The following CDH4 variants were observed in gnomAD, a reference collection of about 807,000 sequenced individuals.
The protein encoded by CDH4 is cadherin 4.
A neutral mutation model predicts 86.0 loss-of-function variants in CDH4; 33 were observed. That is an observed-to-expected ratio of 0.38 (90% CI 0.29 to 0.51). The LOEUF is 0.51. Among genes scored for constraint, CDH4 ranks in the 20% least tolerant of loss-of-function variants. The pLI, the probability that CDH4 is intolerant of heterozygous loss-of-function variation, is 0.86. For missense variants in CDH4, 1,114 were observed against 1,307.4 expected, an observed-to-expected ratio of 0.85 and a Z score of 2.28; for synonymous variants, 555 against 549.4, an observed-to-expected ratio of 1.01 and a Z score of -0.14.
intron 2 of CDH4, among the ~76,000 whole-genome samples, chr20:61,699,125 A>G (rs1252666167): frequency 5.9e-5 from 9 of 152,348 alleles, no homozygotes; most frequent in African/African-American, 9.6e-5. Context: ...CATGGACATG[A>G]TTTGTTAGAA....
Position 61,424,050 on chromosome 20 carries a change from CAT to C in CDH4, c.169+169119_169+169120del, listed in dbSNP as rs370351717. ...CCACACACTCTCATATCCACACACT[CAT>C]ATATACATACACATCCACACACAGC... On this transcript the variant is annotated intron_variant, in intron 2 of 15. Coordinates refer to ENST00000614565, the MANE Select transcript of CDH4 (RefSeq NM_001794.5). Among the ~76,000 whole-genome samples, 170 of 152,114 alleles carry C rather than the reference CAT, an allele frequency of 1.1e-3. 1 individual carries two copies. Among genetic ancestry groups the C allele is most frequent in the African/African-American group, 3.7e-3 (152 of 41,474 alleles).
At chr20:61,349,642 G>T (rs1380239652) in intron 2 of CDH4, among the ~76,000 whole-genome samples, 3 of 152,194 alleles carry the variant, frequency 2.0e-5, no homozygotes, top group Non-Finnish European at 2.9e-5. Context: ...GGTCTGTGGA[G>T]TGAAAGCTGG....
intron 9 of CDH4, among the ~76,000 whole-genome samples, chr20:61,918,693 G>A (rs1055078483): frequency 5.3e-5 from 8 of 152,058 alleles, no homozygotes; most frequent in African/African-American, 9.7e-5. Flanking sequence ...CGGTGATTGC[G>A]TGGAAGCGTG....
chr20:61,708,473 G>T lies in CDH4; in HGVS notation c.170-35090G>T, dbSNP rs115898759. Among the ~76,000 whole-genome samples the T allele has an allele frequency of 8.9e-3, 1,349 of 152,232 alleles. 20 individuals are homozygous for T. Among genetic ancestry groups the T allele is most frequent in the African/African-American group, 0.029 (1,195 of 41,528 alleles). On this transcript the variant is annotated intron_variant, in intron 2 of 15. Coordinates refer to ENST00000614565, the MANE Select transcript of CDH4 (RefSeq NM_001794.5). The surrounding 1 kb of genome is among the most constrained non-coding windows in gnomAD (Gnocchi z 4.5). The stretch of plus-strand genomic sequence containing the variant: ...CTCCTGCCACAGTCAGGGGGCTATG[G>T]AGAAACCCAATCCAGGCCCCGGGCT...
At chr20:61,783,339 C>G (rs904980583) in intron 4 of CDH4, among the ~76,000 whole-genome samples, 2 of 152,218 alleles carry the variant, frequency 1.3e-5, no homozygotes, top group Non-Finnish European at 2.9e-5. Flanking sequence ...TTGCCCACAA[C>G]CTTTCCTTAA....
intron 2 of CDH4, among the ~76,000 whole-genome samples, chr20:61,475,159 C>CT (rs951908054): frequency 5.3e-5 from 8 of 152,110 alleles, no homozygotes; most frequent in African/African-American, 1.7e-4. Context: ...ATGTGTTACA[C>CT]TTTTTTCCCC....
chr20:61,264,017 C>G (rs1429883783), intron 2 of CDH4, among the ~76,000 whole-genome samples: 1 of 152,126 alleles, frequency 6.6e-6, no homozygotes, highest in Admixed American at 6.5e-5. Context: ...AGGATAATCT[C>G]CCGTTGCAAG....
At chr20:61,936,302 A>C (rs2055183194) in intron 15 of CDH4, among the ~76,000 whole-genome samples, 1 of 43,508 alleles carries the variant, frequency 2.3e-5, no homozygotes, top group Admixed American at 3.1e-4. Context: ...CTTCCCCTAT[A>C]AACCCTCACA....
At chr20:61,352,013 G>A (rs981404916) in intron 2 of CDH4, among the ~76,000 whole-genome samples, 5 of 152,006 alleles carry the variant, frequency 3.3e-5, no homozygotes, top group Non-Finnish European at 2.9e-5. Flanking sequence ...CACCGCACCC[G>A]GCCTCCTTTA....
chr20:61,786,335 A>G (rs1397417535), intron 4 of CDH4, among the ~76,000 whole-genome samples: 1 of 152,086 alleles, frequency 6.6e-6, no homozygotes, highest in East Asian at 1.9e-4. Context: ...CAAGATGAAC[A>G]CGATCGCCCT....
rs1459934335 is a variant in CDH4 at position 61,708,626 on chromosome 20, C to T, written c.170-34937C>T. ...TGTAGACCCTCTCCACCCTCCTGTG[C>T]CTGGAGCCCCTCCCAGACGTTTGCA... On this transcript the variant is annotated intron_variant, in intron 2 of 15. Coordinates refer to ENST00000614565, the MANE Select transcript of CDH4 (RefSeq NM_001794.5). This position sits in a 1 kb window ranked among gnomAD's most constrained non-coding sequence, Gnocchi z 4.5. Among the ~76,000 whole-genome samples the T allele has an allele frequency of 1.3e-5, 2 of 152,156 alleles. No individual in the cohort carries two copies. Among genetic ancestry groups the T allele is most frequent in the Non-Finnish European group, 2.9e-5 (2 of 68,032 alleles).
In CDH4 at chr20:61,912,154, AC is replaced by A. The variant is rs1000881847; in HGVS notation, c.1374+1551del. Among the ~76,000 whole-genome samples the A allele has an allele frequency of 1.2e-4, 19 of 152,198 alleles. 1 individual carries two copies. The highest frequency in any genetic ancestry group is 1.1e-3 in the Admixed American group (17 of 15,282). On this transcript the variant is annotated intron_variant, in intron 9 of 15. Coordinates refer to ENST00000614565, the MANE Select transcript of CDH4 (RefSeq NM_001794.5). ...ATCAAAAAGGGGGGAAGAATGGCTC[AC>A]CCCTCCTTTATTAAGGGACCTTCCC...
At chr20:61,934,987 C>T (rs1203123206) in intron 15 of CDH4, among the ~76,000 whole-genome samples, 1 of 152,270 alleles carries the variant, frequency 6.6e-6, no homozygotes, top group African/African-American at 2.4e-5. Context: ...TCGTTCCCGT[C>T]TTCCATCTTC....
chr20:61,275,796 T>C (rs6129089), intron 2 of CDH4, among the ~76,000 whole-genome samples: 108,127 of 151,908 alleles, frequency 0.71, 38,710 homozygotes, highest in Admixed American at 0.78. Flanking sequence ...GGATTCTGAG[T>C]ATCACTGGGG....
intron 2 of CDH4, among the ~76,000 whole-genome samples, chr20:61,381,391 G>T (rs546513716): frequency 3.9e-5 from 6 of 152,344 alleles, no homozygotes; most frequent in Non-Finnish European, 8.8e-5. Context: ...GCTTGTCTTA[G>T]CCTGTGCGGA....
At chr20:61,372,383 C>T (rs527317098) in intron 2 of CDH4, among the ~76,000 whole-genome samples, 25 of 152,220 alleles carry the variant, frequency 1.6e-4, no homozygotes, top group Non-Finnish European at 2.2e-4. Flanking sequence ...TACCCGCACA[C>T]GCTTCGCCTC....
intron 2 of CDH4, among the ~76,000 whole-genome samples, chr20:61,327,478 ACTACATGCAGAATAAAACT>A (rs1449761728): frequency 6.6e-6 from 1 of 152,228 alleles, no homozygotes; most frequent in African/African-American, 2.4e-5. Context: ...ACTCACATTT[ACTACATGCAGAATAAAACT>A]CTGATCTCCT....
At chr20:61,874,561 G>T (rs982991816) in intron 7 of CDH4, among the ~76,000 whole-genome samples, 1 of 152,166 alleles carries the variant, frequency 6.6e-6, no homozygotes, top group Admixed American at 6.5e-5. Flanking sequence ...GGGTGAGGTC[G>T]GGGGCCTGCC....
chr20:61,424,200 C>T (rs551277511), intron 2 of CDH4, among the ~76,000 whole-genome samples: 10 of 150,216 alleles, frequency 6.7e-5, no homozygotes, highest in South Asian at 6.3e-4. Flanking sequence ...TGTATCCACA[C>T]GCATCCACAC....
Sources: allele counts gnomAD v4.1 joint callset (sites outside exome capture counted in the v4.1 genomes callset), GRCh38; gene constraint gnomAD v4.1.1; non-coding constraint Gnocchi (gnomAD v3.1); transcripts MANE v1.5; gene names NCBI Gene and HGNC (gene_info 2026-07-23, HGNC 2026-07-21).